The following KLF12 variants were observed in gnomAD, a reference collection of about 807,000 sequenced individuals.
KLF12 encodes Krueppel-like factor 12.
In KLF12, 9 loss-of-function variants were observed where a neutral mutation model predicts 37.8. That is an observed-to-expected ratio of 0.24 (90% CI 0.14 to 0.42). KLF12 has a LOEUF of 0.42. KLF12 is among the 10% of genes least tolerant of loss of function. KLF12 has a pLI of 1.00. For synonymous variants in KLF12, 208 were observed against 202.1 expected (o/e 1.03, Z -0.25); for missense variants, 411 against 516.0 (o/e 0.80, Z 1.97).
intron 5 of KLF12, among the ~76,000 whole-genome samples, chr13:73,807,527 G>A (rs1430936997): frequency 6.6e-6 from 1 of 152,088 alleles, no homozygotes; most frequent in Non-Finnish European, 1.5e-5. Context: ...GGCAGAGAAC[G>A]ACAGTGAAGT....
chr13:74,078,641 C>T (rs1346229385), intron 1 of KLF12, among the ~76,000 whole-genome samples: 1 of 152,126 alleles, frequency 6.6e-6, no homozygotes, highest in Admixed American at 6.6e-5. Flanking sequence ...ATTAATGATG[C>T]ACTTTTATTC....
intron 1 of KLF12, among the ~76,000 whole-genome samples, chr13:74,057,064 T>C (rs1873287189): frequency 6.6e-6 from 1 of 152,208 alleles, no homozygotes. Context: ...AGACCAGCCA[T>C]GATGAGCTGC....
chr13:74,121,476 C>A (rs918697934), intron 1 of KLF12, among the ~76,000 whole-genome samples: 1 of 151,932 alleles, frequency 6.6e-6, no homozygotes, highest in African/African-American at 2.4e-5. Flanking sequence ...ACAAAACAAA[C>A]AAGCAAACAA....
chr13:74,108,172 C>T (rs1377582127), intron 1 of KLF12, among the ~76,000 whole-genome samples: 1 of 152,002 alleles, frequency 6.6e-6, no homozygotes, highest in Non-Finnish European at 1.5e-5. Flanking sequence ...TGTCCCTCAT[C>T]TCTTTGAGTA....
At chr13:74,007,145 T>A (rs908690074) in intron 1 of KLF12, among the ~76,000 whole-genome samples, 9 of 152,166 alleles carry the variant, frequency 5.9e-5, no homozygotes. Flanking sequence ...CAACTATTTT[T>A]TAATTAACCT....
chr13:73,708,636 T>C (rs1875130527), intron 7 of KLF12, among the ~76,000 whole-genome samples: 1 of 152,182 alleles, frequency 6.6e-6, no homozygotes, highest in African/African-American at 2.4e-5. Context: ...TACTGCATTG[T>C]AGAAATTACT....
chr13:74,045,085 G>GTATA (rs900990291), intron 1 of KLF12, among the ~76,000 whole-genome samples: 1 of 152,178 alleles, frequency 6.6e-6, no homozygotes, highest in Admixed American at 6.5e-5. Context: ...AGGAGGTGGA[G>GTATA]TATAATTCCT....
At chr13:73,984,012 G>A (rs983106798) in intron 2 of KLF12, among the ~76,000 whole-genome samples, 3 of 152,186 alleles carry the variant, frequency 2.0e-5, no homozygotes, top group Non-Finnish European at 4.4e-5. Context: ...GTGGGTCCCA[G>A]GAGCAGTGCT....
intron 1 of KLF12, among the ~76,000 whole-genome samples, chr13:74,069,393 T>A (rs1874097401): frequency 6.6e-6 from 1 of 151,946 alleles, no homozygotes; most frequent in African/African-American, 2.4e-5. Flanking sequence ...GAGAGTAGAG[T>A]TGATGGTGGT....
At chr13:74,262,773 A>C in the KLF12 span, among the ~76,000 whole-genome samples, 1 of 152,118 alleles carries the variant, frequency 6.6e-6, no homozygotes, top group Middle Eastern at 3.2e-3. Context: ...CTCAGTTAGG[A>C]CCTCAGGAAG....
chr13:73,708,330 G>A (rs1369347326), intron 7 of KLF12, among the ~76,000 whole-genome samples: 1 of 152,064 alleles, frequency 6.6e-6, no homozygotes, highest in Non-Finnish European at 1.5e-5. Flanking sequence ...GTCAATTGGG[G>A]ATAGAAAATA....
chr13:73,806,422 G>A (rs1882632498), intron 5 of KLF12, among the ~76,000 whole-genome samples: 4 of 151,806 alleles, frequency 2.6e-5, no homozygotes, highest in Non-Finnish European at 5.9e-5. Context: ...TTTGAGGAGA[G>A]GTCCCACTAT....
the KLF12 span, among the ~76,000 whole-genome samples, chr13:74,290,055 A>C: frequency 6.6e-6 from 1 of 152,170 alleles, no homozygotes; most frequent in South Asian, 2.1e-4. Context: ...CATCAGCTTC[A>C]TACTCCTGAG....
At chr13:73,796,757 T>G (rs989559453) in intron 5 of KLF12, among the ~76,000 whole-genome samples, 1 of 152,138 alleles carries the variant, frequency 6.6e-6, no homozygotes, top group Non-Finnish European at 1.5e-5. Context: ...CACAGAAAAG[T>G]TGCACACACA....
intron 1 of KLF12, among the ~76,000 whole-genome samples, chr13:74,005,826 A>G (rs951558344): frequency 1.3e-4 from 20 of 152,342 alleles, no homozygotes; most frequent in Middle Eastern, 3.4e-3. Flanking sequence ...GCTAACCTCT[A>G]TAATGGTGTT....
At chr13:74,187,070 A>T in the KLF12 span, among the ~76,000 whole-genome samples, 1 of 152,238 alleles carries the variant, frequency 6.6e-6, no homozygotes, top group African/African-American at 2.4e-5. Flanking sequence ...ATGCTGATTC[A>T]TACGCTTCCT....
chr13:73,860,987 G>C (rs573062601), intron 3 of KLF12, among the ~76,000 whole-genome samples: 9 of 152,068 alleles, frequency 5.9e-5, no homozygotes, highest in Non-Finnish European at 1.3e-4. Context: ...AAATGTATGA[G>C]TCATATTTTG....
At chr13:74,283,874 C>T in the KLF12 span, among the ~76,000 whole-genome samples, 179 of 89,168 alleles carry the variant, frequency 2.0e-3, 1 homozygote, top group African/African-American at 5.8e-3. Context: ...TTTTTTTTTT[C>T]CCCAAGATAG....
At chr13:74,232,526 A>G in the KLF12 span, among the ~76,000 whole-genome samples, 1 of 152,200 alleles carries the variant, frequency 6.6e-6, no homozygotes, top group African/African-American at 2.4e-5. Flanking sequence ...TCACACCTCT[A>G]AATAATTATC....
Sources: allele counts gnomAD v4.1 joint callset (sites outside exome capture counted in the v4.1 genomes callset), GRCh38; gene constraint gnomAD v4.1.1; transcripts MANE v1.5; gene names NCBI Gene and HGNC (gene_info 2026-07-23, HGNC 2026-07-21).